SEC23B: variants seen among roughly 807,000 people sequenced by gnomAD.
SEC23B encodes the protein protein transport protein Sec23B.
Under a neutral mutation model 104.3 loss-of-function variants are expected in SEC23B, and 77 were observed. The observed-to-expected ratio is 0.74, with a 90% CI of 0.61 to 0.89. The LOEUF (loss-of-function observed/expected upper bound fraction) is 0.89, where lower values mean the gene tolerates loss of function less well. SEC23B is among the 40% of genes least tolerant of loss of function. The pLI, the probability that SEC23B is intolerant of heterozygous loss-of-function variation, is 0.00. For missense variants in SEC23B, 885 were observed against 949.4 expected (o/e 0.93, Z 0.89); for synonymous variants, 338 against 332.5 (o/e 1.02, Z -0.18).
intron 14 of SEC23B, 135 bp from the exon 15 acceptor site, chr20:18,545,821 C>G (rs1469489694): frequency 1.4e-6 from 1 of 714,184 alleles, no homozygotes; most frequent in Admixed American, 1.9e-5. Context: ...AAGTGCTAGT[C>G]TAGGACTTAT....
At chr20:18,533,586 T>C (rs1378893496) in intron 11 of SEC23B, among the ~76,000 whole-genome samples, 1 of 152,176 alleles carries the variant, frequency 6.6e-6, no homozygotes, top group Non-Finnish European at 1.5e-5. Context: ...AATGAGTTGG[T>C]TCAGGTGAAG....
At chr20:18,524,778 T>C (rs2060119667) in intron 5 of SEC23B, 109 bp downstream of exon 5, 2 of 1,207,532 alleles carry the variant, frequency 1.7e-6, no homozygotes, top group South Asian at 1.2e-5. Context: ...GGTGTGATCA[T>C]TGCTCAATGG....
chr20:18,560,658 G>A lies in SEC23B; in HGVS notation c.2222G>A (p.Gly741Glu), dbSNP rs2060484082. The change falls in exon 20 of 20, where the codon GGA becomes GAA. Residue 741 changes from glycine to glutamate, a missense_variant. Transcript: ENST00000650089. ...NNLYAWGQETGAPILTDDVSL... is the reference protein window; with the variant it reads ...NNLYAWGQETEAPILTDDVSL... ...TTTATCATTACATTTCAGGAAACTG[G>A]AGCACCCATCCTAACTGATGATGTT... 1.2e-6 allele frequency: 2 copies of A among 1,613,416 alleles called. No homozygotes were observed. The highest frequency in any genetic ancestry group is 3.3e-5 in the Admixed American group (2 of 59,992).
intron 11 of SEC23B, 114 bp downstream of exon 11, chr20:18,532,858 G>C: frequency 1.3e-6 from 1 of 777,796 alleles, no homozygotes; most frequent in Non-Finnish European, 2.3e-6. Flanking sequence ...GCAGTGACAG[G>C]AGAAGGGCTA....
chr20:18,513,672 A>G (rs1157400490), intron 3 of SEC23B, among the ~76,000 whole-genome samples: 3 of 152,266 alleles, frequency 2.0e-5, no homozygotes. Flanking sequence ...AGGTTCGGAA[A>G]CTATAAGCAG....
chr20:18,514,640 G>A (rs1306996504), intron 3 of SEC23B, among the ~76,000 whole-genome samples: 1 of 152,230 alleles, frequency 6.6e-6, no homozygotes, highest in Non-Finnish European at 1.5e-5. Flanking sequence ...CCCACAAGCT[G>A]TGAATTTAAA....
chr20:18,509,053 G>A (rs1238048349), intron 1 of SEC23B, among the ~76,000 whole-genome samples: 1 of 152,164 alleles, frequency 6.6e-6, no homozygotes. Context: ...CGTTTTGAGA[G>A]AGAGACGGTT....
intron 19 of SEC23B, among the ~76,000 whole-genome samples, chr20:18,558,716 G>A (rs1201304584): frequency 6.6e-6 from 1 of 152,082 alleles, no homozygotes; most frequent in Non-Finnish European, 1.5e-5. Context: ...GTATTTTTCA[G>A]TTACAAAATT....
intron 15 of SEC23B, among the ~76,000 whole-genome samples, chr20:18,547,339 C>T (rs2060341931): frequency 6.6e-6 from 1 of 152,120 alleles, no homozygotes; most frequent in South Asian, 2.1e-4. Flanking sequence ...TAGTTCTTGT[C>T]AAGTGCTTTG....
At position 18,527,562 on chromosome 20, in the gene SEC23B, C is replaced by T; in HGVS notation, c.1060C>T (p.Leu354Phe). ...GHCIDIYACA[L>F]DQTGLLEMKC... ...CTGCATTGATATTTATGCTTGTGCC[C>T]TTGATCAAACTGGACTTTTGGAGAT... Residue 354 changes from leucine to phenylalanine, a missense_variant, in exon 9 of 20, where the codon CTT (leucine) becomes TTT (phenylalanine). Physicochemically the swap from Leu to Phe is conservative, Grantham distance 22. Transcript: ENST00000650089. 6.2e-7 allele frequency: 1 copy of T among 1,613,648 alleles called. No individual in the cohort carries two copies. Among genetic ancestry groups the T allele is most frequent in the Non-Finnish European group, 8.5e-7 (1 of 1,179,558 alleles).
intron 10 of SEC23B, among the ~76,000 whole-genome samples, chr20:18,532,055 G>A (rs760166107): frequency 3.3e-5 from 5 of 152,170 alleles, no homozygotes; most frequent in East Asian, 1.9e-4. Context: ...GCCAGTTGGC[G>A]GGGCAGGTCA....
intron 12 of SEC23B, among the ~76,000 whole-genome samples, chr20:18,541,449 GATTA>G (rs1259001622): frequency 6.6e-6 from 1 of 152,244 alleles, no homozygotes; most frequent in Non-Finnish European, 1.5e-5. Context: ...TCCCTACTAA[GATTA>G]ATGAGTTTTA....
At chr20:18,554,493 A>AAAT in intron 18 of SEC23B, 103 bp downstream of exon 18, 2 of 1,415,148 alleles carry the variant, frequency 1.4e-6, no homozygotes, top group Non-Finnish European at 2.0e-6. Flanking sequence ...TGATGACATA[A>AAAT]ATTGACACAC....
rs1350690443 is a variant in SEC23B, at chr20:18,512,228, G to A, written c.225G>A (p.Gln75=). 4.4e-6 allele frequency: 7 copies of A among 1,583,606 alleles called. No homozygotes were observed. The highest frequency in any genetic ancestry group is 1.3e-5 in the African/African-American group (1 of 74,420). Residue 75 remains glutamine, a synonymous_variant, in exon 3 of 20, where the codon CAG becomes CAA. Coordinates refer to ENST00000650089, the MANE Select transcript of SEC23B (RefSeq NM_006363.6). ...ATAATATTTATCTTTCTCACAGTCA[G>A]GTTGATTATCGAGCAAAACTTTGGG... ...TCKAVLNPLC[Q]VDYRAKLWAC...
In SEC23B at chr20:18,539,361, T is replaced by C. The variant is rs185207876; in HGVS notation, c.1405-2935T>C. On this transcript the variant is annotated intron_variant, in intron 12 of 19. Coordinates refer to ENST00000650089, the MANE Select transcript of SEC23B (RefSeq NM_006363.6). ...TCTACTAAAAATACAAAAAACAAAA[T>C]TAGCTGGGTGTGGTGGCGGGTGCCT... Among the ~76,000 whole-genome samples the C allele has an allele frequency of 1.7e-4, 25 of 149,962 alleles. No homozygotes were observed. In the East Asian group the frequency reaches 5.1e-3, roughly 31 times the overall value.
intron 3 of SEC23B, among the ~76,000 whole-genome samples, chr20:18,514,595 A>G (rs2060008714): frequency 6.6e-6 from 1 of 152,220 alleles, no homozygotes; most frequent in Non-Finnish European, 1.5e-5. Context: ...TGTATTTTTA[A>G]TGTAAAGCTA....
intron 15 of SEC23B, among the ~76,000 whole-genome samples, chr20:18,548,261 TA>T (rs58789388): frequency 0.68 from 103,367 of 151,518 alleles, 36,606 homozygotes; most frequent in Non-Finnish European, 0.8. Flanking sequence ...AAAGGCCCTT[TA>T]AAAAAAAAAA....
chr20:18,522,031 A>G (rs1461384550), intron 4 of SEC23B, among the ~76,000 whole-genome samples: 2 of 152,216 alleles, frequency 1.3e-5, no homozygotes, highest in Non-Finnish European at 2.9e-5. Flanking sequence ...ATTTTAGGTC[A>G]GATGAGAGTT....
In SEC23B at chr20:18,554,270, C is replaced by T; in HGVS notation, c.2028C>T (p.Asp676=). The T allele has an allele frequency of 6.2e-7, 1 of 1,614,176 alleles. No individual in the cohort carries two copies. The highest frequency in any genetic ancestry group is 8.5e-7 in the Non-Finnish European group (1 of 1,180,042). Residue 676 remains aspartate (D), a synonymous_variant, in exon 18 of 20, where the codon GAC becomes GAT. Transcript: ENST00000650089. ...IAQWRKAGYQ[D]MPEYENFKHL... is the part of the protein sequence containing the mutation. ...AGTGGCGTAAAGCTGGCTACCAGGA[C>T]ATGCCCGAGTATGAAAACTTCAAGC... is the stretch of plus-strand genomic sequence containing the variant.
Sources: allele counts gnomAD v4.1 joint callset (sites outside exome capture counted in the v4.1 genomes callset), GRCh38; gene constraint gnomAD v4.1.1; transcripts MANE v1.5; gene names NCBI Gene and HGNC (gene_info 2026-07-23, HGNC 2026-07-21).